The following SSH2 variants were observed in gnomAD, a reference collection of about 807,000 sequenced individuals.
SSH2 encodes the protein protein phosphatase Slingshot homolog 2.
Under a neutral mutation model 135.2 loss-of-function variants are expected in SSH2, and 37 were observed. That is an observed-to-expected ratio of 0.27 (90% CI 0.21 to 0.36). SSH2 has a LOEUF of 0.36. Ranked by LOEUF, SSH2 falls within the 10% of genes least tolerant of loss-of-function variation. SSH2 has a pLI of 1.00. For synonymous variants in SSH2, 628 were observed against 646.2 expected, an observed-to-expected ratio of 0.97 and a Z score of 0.43; for missense variants, 1,408 against 1,765.3, an observed-to-expected ratio of 0.80 and a Z score of 3.63.
At chr17:29,694,073 AC>A (rs111970049) in intron 5 of SSH2, among the ~76,000 whole-genome samples, 4,060 of 152,264 alleles carry the variant, frequency 0.027, 165 homozygotes, top group African/African-American at 0.094. Flanking sequence ...CTTTCTGAAA[AC>A]ATTATGAGAT....
intron 11 of SSH2, among the ~76,000 whole-genome samples, chr17:29,656,324 G>A (rs1420777162): frequency 5.9e-5 from 9 of 151,976 alleles, no homozygotes; most frequent in Non-Finnish European, 1.0e-4. Flanking sequence ...TTACAGGTGC[G>A]CGCCACCATG....
intron 11 of SSH2, among the ~76,000 whole-genome samples, chr17:29,661,244 A>T (rs1252104365): frequency 6.6e-6 from 1 of 152,054 alleles, no homozygotes; most frequent in Non-Finnish European, 1.5e-5. Flanking sequence ...CTGAGTATCT[A>T]TCTGATATGG....
At chr17:29,902,038 T>C (rs1485670633) in intron 1 of SSH2, among the ~76,000 whole-genome samples, 1 of 152,100 alleles carries the variant, frequency 6.6e-6, no homozygotes, top group Non-Finnish European at 1.5e-5. Flanking sequence ...CCTCCTACCT[T>C]GGCCTTCCAA....
At chr17:29,779,803 T>A (rs1598985705) in intron 3 of SSH2, among the ~76,000 whole-genome samples, 1 of 53,848 alleles carries the variant, frequency 1.9e-5, no homozygotes, top group Non-Finnish European at 3.6e-5. Flanking sequence ...AGAGTGAGAC[T>A]CTGTCTCAAA....
chr17:29,895,270 T>C (rs1329572238), intron 1 of SSH2, among the ~76,000 whole-genome samples: 1 of 129,084 alleles, frequency 7.7e-6, no homozygotes, highest in Non-Finnish European at 1.6e-5. Context: ...ATATGAAATA[T>C]ATAAAATATA....
intron 1 of SSH2, among the ~76,000 whole-genome samples, chr17:29,898,955 G>T (rs2066495485): frequency 6.6e-6 from 1 of 152,084 alleles, no homozygotes; most frequent in Non-Finnish European, 1.5e-5. Context: ...TTCATCCCTG[G>T]GATGCAAGAC....
chr17:29,879,389 T>C (rs1175086701), intron 1 of SSH2, among the ~76,000 whole-genome samples: 1 of 151,536 alleles, frequency 6.6e-6, no homozygotes, highest in Non-Finnish European at 1.5e-5. Flanking sequence ...TTTTTTTTTT[T>C]TAATAAACTT....
At chr17:29,800,935 G>A (rs1049544256) in intron 2 of SSH2, among the ~76,000 whole-genome samples, 3 of 149,858 alleles carry the variant, frequency 2.0e-5, no homozygotes, top group Admixed American at 2.0e-4. Context: ...GTGCGATCTC[G>A]GCTCACTGCA....
rs150233755 is a variant in SSH2, at chr17:29,636,271, G to C, written c.1959C>G (p.Ser653=). Residue 653 remains serine, a synonymous_variant, in exon 15 of 16, where the codon TCC becomes TCG. Coordinates refer to ENST00000540801, the MANE Select transcript of SSH2 (RefSeq NM_001282129.2). ...GGGGGCTTGGTGACTCAGGATCAGGGGACATGGGGGGGTCTTTCAGTGGAG... is the reference window on the plus strand; with the variant it reads ...GGGGGCTTGGTGACTCAGGATCAGGCGACATGGGGGGGTCTTTCAGTGGAG... The part of the protein sequence containing the change: ...LTSPLKDPPM[S]PDPESPSPQP... 1.9e-4 allele frequency: 299 copies of C among 1,614,136 alleles called. No homozygotes were observed. The highest frequency in any genetic ancestry group is 2.5e-4 in the Non-Finnish European group (291 of 1,180,020).
At position 29,827,519 on chromosome 17, in the gene SSH2, A is replaced by C. The variant is rs115557942; in HGVS notation, c.144+21330T>G. The stretch of plus-strand genomic sequence containing the variant: ...GGAACATACTAAGTTAGTGATAAAG[A>C]AGCCCAAGAATTAAGCTCCTTTTCC... On this transcript the variant is annotated intron_variant, in intron 2 of 15. Transcript: ENST00000540801. 3.4e-3 allele frequency among the ~76,000 whole-genome samples: 523 copies of C among 152,338 alleles called. 3 individuals carry two copies. The highest frequency in any genetic ancestry group is 0.012 in the African/African-American group (496 of 41,576).
intron 3 of SSH2, among the ~76,000 whole-genome samples, chr17:29,773,882 C>G (rs1051284166): frequency 2.0e-5 from 3 of 152,182 alleles, no homozygotes; most frequent in Non-Finnish European, 4.4e-5. Flanking sequence ...GTTGGTCAGG[C>G]TGGTCTTGAA....
intron 1 of SSH2, among the ~76,000 whole-genome samples, chr17:29,880,014 C>G (rs2066107695): frequency 6.6e-6 from 1 of 152,200 alleles, no homozygotes. Context: ...AAAGACAACT[C>G]AATATACTGT....
At chr17:29,645,035 G>C (rs2036316458) in intron 14 of SSH2, 1 of 152,260 alleles carries the variant, frequency 6.6e-6, no homozygotes, top group Non-Finnish European at 1.5e-5. Context: ...GTGGGTGGCA[G>C]GAGGCAGTAG....
Position 29,632,297 on chromosome 17 carries a change from C to A in SSH2, c.2897G>T (p.Gly966Val). Residue 966 changes from glycine to valine, a missense_variant, in exon 16 of 16, where the codon GGG becomes GTG. By Grantham distance (109) the Gly-to-Val change is moderately radical (BLOSUM62 -3). Coordinates refer to ENST00000540801, the MANE Select transcript of SSH2 (RefSeq NM_001282129.2). The part of the protein sequence containing the change: ...EMSKGKGKYS[G>V]SEAGSLSHSE... ...ATGGGACAGTGAGCCAGCCTCAGAC[C>A]CACTGTATTTCCCTTTGCCTTTGCT... 1.1e-5 allele frequency: 18 copies of A among 1,614,052 alleles called. No homozygotes were observed. The highest frequency in any genetic ancestry group is 1.5e-5 in the Non-Finnish European group (18 of 1,179,978).
At chr17:29,747,134 C>T (rs926764475) in intron 3 of SSH2, among the ~76,000 whole-genome samples, 3 of 152,076 alleles carry the variant, frequency 2.0e-5, no homozygotes, top group Non-Finnish European at 4.4e-5. Context: ...AATTATCTCA[C>T]GTGATATCCA....
intron 3 of SSH2, among the ~76,000 whole-genome samples, chr17:29,730,438 CTTTTTTT>C (rs113317053): frequency 5.1e-5 from 7 of 138,512 alleles, no homozygotes; most frequent in Non-Finnish European, 1.1e-4. Flanking sequence ...TTGACTTTTT[CTTTTTTT>C]TTTTTTTGGA....
At chr17:29,755,949 C>T (rs1307076537) in intron 3 of SSH2, among the ~76,000 whole-genome samples, 2 of 148,658 alleles carry the variant, frequency 1.3e-5, no homozygotes, top group Non-Finnish European at 3.0e-5. Flanking sequence ...GGGTGAGCCA[C>T]CGCGCCAGCT....
At chr17:29,703,169 T>C (rs941391347) in intron 3 of SSH2, 107 bp from the exon 4 acceptor site, 1 of 759,780 alleles carries the variant, frequency 1.3e-6, no homozygotes, top group African/African-American at 1.7e-5. Context: ...AAGTCCCAAC[T>C]TCATGGAACG....
chr17:29,637,371 T>C lies in SSH2; in HGVS notation c.1428-569A>G, dbSNP rs527710222. Among the ~76,000 whole-genome samples the C allele has an allele frequency of 5.9e-5, 9 of 152,324 alleles. No individual in the cohort carries two copies. The South Asian group carries it at 1.7e-3, about 28-fold the overall frequency. On this transcript the variant is annotated intron_variant, in intron 14 of 15. Transcript: ENST00000540801. ...ACATTGGCCCCCCACCACACCCAGC[T>C]GAACTGTAGATTTTAAAGACTGAAA... is the stretch of plus-strand genomic sequence containing the variant.
Sources: gnomAD v4.1 joint callset for allele counts (sites outside exome capture counted in the v4.1 genomes callset) on GRCh38, gnomAD v4.1.1 for gene constraint, MANE v1.5 for transcripts, NCBI Gene and HGNC (gene_info 2026-07-23, HGNC 2026-07-21) for gene names.